The following MON2 variants were observed in gnomAD, a reference collection of about 807,000 sequenced individuals.
MON2 encodes the protein MON2 regulator of endosome-to-Golgi trafficking.
Under a neutral mutation model 208.6 loss-of-function variants are expected in MON2, and 84 were observed. The observed-to-expected ratio is 0.40, with a 90% confidence interval of 0.34 to 0.48. The LOEUF is 0.48. Among genes scored for constraint, MON2 ranks in the 20% least tolerant of loss-of-function variants. The pLI is 0.59. For missense variants in MON2, 1,611 were observed against 2,015.4 expected, an observed-to-expected ratio of 0.80 and a Z score of 3.84; for synonymous variants, 660 against 694.0, an observed-to-expected ratio of 0.95 and a Z score of 0.77.
At chr12:62,495,249 T>C in intron 4 of MON2, 102 bp downstream of exon 4, 1 of 972,124 alleles carries the variant, frequency 1.0e-6, no homozygotes, top group South Asian at 1.9e-5. Context: ...AAAAGCAACT[T>C]CCCTACAGCT....
In MON2 at chr12:62,561,044, A is replaced by G. The variant is rs2074179169; in HGVS notation, c.3963A>G (p.Pro1321=). Residue 1321 remains proline (P), a synonymous_variant, in exon 26 of 35, where the codon CCA becomes CCG. Coordinates refer to ENST00000393630, the MANE Select transcript of MON2 (RefSeq NM_015026.3). ...ISSDASPFIL[P]SYTEAVLTSL... ...CAGATGCATCCCCTTTTATTCTTCC[A>G]TCTTATACCGAAGCAGTTTTGACAA... 1 of 1,613,234 alleles carries G rather than the reference A, an allele frequency of 6.2e-7. No homozygotes were observed. The highest frequency in any genetic ancestry group is 8.5e-7 in the Non-Finnish European group (1 of 1,179,344).
rs2075439745 is a variant in MON2, at chr12:62,592,801, CTAAT to C, written c.*54_*57del. ...AAGATAGTCTAAAAAATGTTTGCTC[CTAAT>C]TGAGTCTTCTGTGAGAAGGACATTT... On this transcript the variant is annotated 3_prime_UTR_variant, in exon 35 of 35. Coordinates refer to ENST00000393630, the MANE Select transcript of MON2 (RefSeq NM_015026.3). The C allele has an allele frequency of 2.0e-6, 3 of 1,471,464 alleles. No homozygotes were observed. The highest frequency in any genetic ancestry group is 2.8e-6 in the Non-Finnish European group (3 of 1,084,498). The allele number at this position is 1,471,464 out of a possible 1,614,324, so 91.2% of individuals were successfully genotyped here. A position where few individuals can be genotyped will look rare whatever the true frequency, so the allele number is the denominator to read the frequency against.
intron 32 of MON2, among the ~76,000 whole-genome samples, chr12:62,584,192 C>T (rs1592468506): frequency 6.6e-6 from 1 of 151,898 alleles, no homozygotes; most frequent in Non-Finnish European, 1.5e-5. Flanking sequence ...TGAGTTGTAC[C>T]CCCTGAATTT....
intron 24 of MON2, among the ~76,000 whole-genome samples, chr12:62,554,960 A>G (rs1421078495): frequency 6.6e-6 from 1 of 151,570 alleles, no homozygotes; most frequent in Non-Finnish European, 1.5e-5. Context: ...ACACCCGGCT[A>G]ATTTTTTTTG....
rs1420117032 is a variant in MON2 at position 62,524,070 on chromosome 12, T to TA, written c.985-441dup. Among the ~76,000 whole-genome samples, 4 of 152,270 alleles carry TA rather than the reference T, an allele frequency of 2.6e-5. No homozygotes were observed. The South Asian group carries it at 6.2e-4, about 24-fold the overall frequency. On this transcript the variant is annotated intron_variant, in intron 8 of 34. Transcript: ENST00000393630. ...TAGGTTCCTCCTTATTTTTCTACTA[T>TA]AAAATTTATACTAAGCACCCTTTGG...
intron 11 of MON2, among the ~76,000 whole-genome samples, chr12:62,530,469 GA>G (rs2072580470): frequency 6.6e-6 from 1 of 151,946 alleles, no homozygotes; most frequent in African/African-American, 2.4e-5. Context: ...CTGACCTCGT[GA>G]TCCACCTGCC....
In MON2 at chr12:62,501,673, A is replaced by T; in HGVS notation, c.764A>T (p.Asn255Ile). The T allele has an allele frequency of 6.2e-7, 1 of 1,614,202 alleles. No homozygotes were observed. The highest frequency in any genetic ancestry group is 1.1e-5 in the South Asian group (1 of 91,084). Residue 255 changes from asparagine (N) to isoleucine (I), a missense_variant, in exon 7 of 35, where the codon AAT (asparagine) becomes ATT (isoleucine). By Grantham distance (149) the Asn-to-Ile change is moderately radical. Coordinates refer to ENST00000393630, the MANE Select transcript of MON2 (RefSeq NM_015026.3). ...CTCGAATTACTTGAGTCAGTCCTCA[A>T]TGATTTTCCGCAGGTCTTTTTACAA... ...FGLELLESVL[N>I]DFPQVFLQHQ...
intron 1 of MON2, among the ~76,000 whole-genome samples, chr12:62,478,978 C>T (rs550919780): frequency 6.6e-6 from 1 of 152,308 alleles, no homozygotes; most frequent in African/African-American, 2.4e-5. Context: ...ATAGATGATG[C>T]TGCTGGTAAG....
intron 4 of MON2, among the ~76,000 whole-genome samples, chr12:62,498,364 A>G (rs1248533668): frequency 6.6e-6 from 1 of 152,192 alleles, no homozygotes; most frequent in African/African-American, 2.4e-5. Flanking sequence ...AAGGAGCACA[A>G]GAAAACTTTT....
At position 62,580,419 on chromosome 12, in the gene MON2, A is replaced by G. The variant is rs748813310; in HGVS notation, c.4698A>G (p.Thr1566=). The G allele has an allele frequency of 6.3e-7, 1 of 1,591,688 alleles. No homozygotes were observed. The highest frequency in any genetic ancestry group is 8.6e-7 in the Non-Finnish European group (1 of 1,165,638). Residue 1566 remains threonine, a splice_region_variant and synonymous_variant, in exon 32 of 35, where the codon ACA becomes ACG. Transcript: ENST00000393630. ...TACATTCTCAGTCATCTTCATTTAC[A>G]GGTATGTTAATTTTTTTAAGTATTA... ...GSIHSQSSSF[T]EAEIDIRLRE... is the part of the protein sequence containing the mutation.
intron 24 of MON2, among the ~76,000 whole-genome samples, chr12:62,554,122 T>C (rs1366840358): frequency 1.3e-5 from 2 of 152,252 alleles, no homozygotes; most frequent in Non-Finnish European, 2.9e-5. Context: ...AGTTTGTTTT[T>C]AATCTAATAC....
chr12:62,581,717 G>A (rs1370620528), intron 32 of MON2, among the ~76,000 whole-genome samples: 2 of 152,138 alleles, frequency 1.3e-5, no homozygotes, highest in African/African-American at 2.4e-5. Flanking sequence ...TGTTATCCCA[G>A]CTACACAGGA....
At chr12:62,516,255 G>A (rs756940065) in intron 8 of MON2, among the ~76,000 whole-genome samples, 3 of 152,124 alleles carry the variant, frequency 2.0e-5, no homozygotes, top group Non-Finnish European at 4.4e-5. Flanking sequence ...AGAATAGAAT[G>A]ATGGTTACCA....
chr12:62,495,976 C>T (rs1394491664), intron 4 of MON2, among the ~76,000 whole-genome samples: 1 of 151,894 alleles, frequency 6.6e-6, no homozygotes, highest in East Asian at 1.9e-4. Context: ...TGAAATATTT[C>T]TAAAGAACAG....
chr12:62,537,237 G>A lies in MON2; in HGVS notation c.1987G>A (p.Ala663Thr), dbSNP rs756239002. ...QQVVAVGQPL[A>T]VQPQGTVMLT... is the part of the protein sequence containing the mutation. The stretch of plus-strand genomic sequence containing the variant: ...AGTTGTGGCAGTGGGTCAACCTTTA[G>A]CAGTCCAGCCTCAAGGGACAGTAAT... Residue 663 changes from alanine to threonine, a missense_variant, in exon 15 of 35, where the codon GCA becomes ACA. By Grantham distance (58) the Ala-to-Thr change is moderately conservative. Coordinates refer to ENST00000393630, the MANE Select transcript of MON2 (RefSeq NM_015026.3). 1 of 1,611,796 alleles carries A rather than the reference G, an allele frequency of 6.2e-7. No individual in the cohort carries two copies. Among genetic ancestry groups the A allele is most frequent in the Non-Finnish European group, 8.5e-7 (1 of 1,178,142 alleles).
chr12:62,521,899 T>C (rs1235918339), intron 8 of MON2, among the ~76,000 whole-genome samples: 1 of 152,170 alleles, frequency 6.6e-6, no homozygotes, highest in Non-Finnish European at 1.5e-5. Flanking sequence ...AACTTAATTA[T>C]AAGGGGCTAG....
intron 8 of MON2, among the ~76,000 whole-genome samples, chr12:62,509,987 C>T: frequency 6.6e-6 from 1 of 151,440 alleles, no homozygotes; most frequent in Non-Finnish European, 1.5e-5. Flanking sequence ...CAACTGATGC[C>T]ACAGAAATAA....
At chr12:62,591,211 C>G (rs566499711) in intron 34 of MON2, among the ~76,000 whole-genome samples, 69 of 152,142 alleles carry the variant, frequency 4.5e-4, no homozygotes, top group Non-Finnish European at 8.5e-4. Flanking sequence ...TTCTGTTAAG[C>G]AGCAAAATTC....
At chr12:62,504,369 C>A (rs535990772) in intron 7 of MON2, among the ~76,000 whole-genome samples, 1 of 151,440 alleles carries the variant, frequency 6.6e-6, no homozygotes, top group Non-Finnish European at 1.5e-5. Flanking sequence ...CTCAGCCTCC[C>A]GAGTAGTTGG....
Sources: allele counts gnomAD v4.1 joint callset (sites outside exome capture counted in the v4.1 genomes callset), GRCh38; gene constraint gnomAD v4.1.1; transcripts MANE v1.5; gene names NCBI Gene and HGNC (gene_info 2026-07-23, HGNC 2026-07-21).